Variants in WFS1 observed in about 807,000 individuals in gnomAD.
The protein encoded by WFS1 is wolframin.
A neutral mutation model predicts 68.5 loss-of-function variants in WFS1; 90 were observed. The ratio of observed to expected loss-of-function variants is 1.31; its 90% CI spans 1.11 to 1.56. The LOEUF (loss-of-function observed/expected upper bound fraction) is 1.56, where lower values mean the gene tolerates loss of function less well. Among genes scored for constraint, WFS1 ranks in the 40% most tolerant of loss-of-function variants. WFS1 has a pLI of 0.00. For synonymous variants in WFS1, 860 were observed against 540.7 expected, an observed-to-expected ratio of 1.59 and a Z score of -8.19; for missense variants, 1,767 against 1,232.6, an observed-to-expected ratio of 1.43 and a Z score of -6.49.
chr4:6,282,423 C>G (rs532992864), intron 2 of WFS1, among the ~76,000 whole-genome samples: 6 of 152,250 alleles, frequency 3.9e-5, no homozygotes, highest in South Asian at 2.1e-4. Context: ...GTGGGCGTCA[C>G]GAGAGGCGCA....
Position 6,302,169 on chromosome 4 carries a change from A to G in WFS1, c.2374A>G (p.Ser792Gly). Reference protein sequence around the residue: ...PFSSGADGSRSREEDDVTKDI... With the variant: ...PFSSGADGSRGREEDDVTKDI... ...CAGCAGCGGCGCTGACGGCTCGCGCAGCCGCGAGGAGGACGACGTCACCAA... is the reference window on the plus strand; with the variant it reads ...CAGCAGCGGCGCTGACGGCTCGCGCGGCCGCGAGGAGGACGACGTCACCAA... The change falls in exon 8 of 8, where the codon AGC becomes GGC. Residue 792 changes from serine to glycine, a missense_variant. Transcript: ENST00000226760. 6.2e-7 allele frequency: 1 copy of G among 1,612,712 alleles called. No homozygotes were observed. The highest frequency in any genetic ancestry group is 1.1e-5 in the South Asian group (1 of 91,078).
chr4:6,297,960 A>G (rs1398879675), intron 7 of WFS1, among the ~76,000 whole-genome samples: 2 of 152,200 alleles, frequency 1.3e-5, no homozygotes, highest in South Asian at 2.1e-4. Flanking sequence ...GCTAGACGCC[A>G]TCCAACGTAA....
At chr4:6,292,525 TG>T (rs1730495949) in intron 6 of WFS1, among the ~76,000 whole-genome samples, 2 of 152,012 alleles carry the variant, frequency 1.3e-5, no homozygotes, top group South Asian at 4.1e-4. Context: ...CACACTGAGC[TG>T]GGGGTGCCTC....
chr4:6,298,107 G>A (rs1233612581), intron 7 of WFS1, among the ~76,000 whole-genome samples: 2 of 152,238 alleles, frequency 1.3e-5, no homozygotes, highest in African/African-American at 2.4e-5. Context: ...CCTTGCTACC[G>A]TGGCGGTCGT....
rs1730954836 is a variant in WFS1, at chr4:6,302,068, A to T, written c.2273A>T (p.Lys758Met). ...STAEEELCRL[K>M]LLAKHPCHIK... ...GCCGAGGAGGAGCTCTGTCGCCTTA[A>T]GCTGCTGGCCAAGCACCCCTGCCAC... Residue 758 changes from lysine (K) to methionine (M), a missense_variant, in exon 8 of 8, where the codon AAG (lysine) becomes ATG (methionine). Transcript: ENST00000226760. The T allele has an allele frequency of 1.2e-6, 2 of 1,612,858 alleles. No individual in the cohort carries two copies. The highest frequency in any genetic ancestry group is 2.2e-5 in the South Asian group (2 of 91,086).
chr4:6,302,600 G>C lies in WFS1; in HGVS notation c.*132G>C, dbSNP rs961279619. The C allele has an allele frequency of 3.7e-6, 5 of 1,355,938 alleles. No individual in the cohort carries two copies. The highest frequency in any genetic ancestry group is 1.4e-5 in the African/African-American group (1 of 69,946). 84.0% of individuals were successfully genotyped at this position (1,355,938 alleles called of 1,614,324 possible). Reference sequence around the variant, plus strand: ...CAGACTGTGGCTGCAGAGACCTTGCGACCATGTGTAGATTGCGTGGACCCC... The same window carrying C: ...CAGACTGTGGCTGCAGAGACCTTGCCACCATGTGTAGATTGCGTGGACCCC... On this transcript the variant is annotated 3_prime_UTR_variant, in exon 8 of 8. Coordinates refer to ENST00000226760, the MANE Select transcript of WFS1 (RefSeq NM_006005.3).
Position 6,301,661 on chromosome 4 carries a change from G to T in WFS1, c.1866G>T (p.Gly622=), listed in dbSNP as rs372040086. The T allele has an allele frequency of 6.2e-7, 1 of 1,613,992 alleles. No individual in the cohort carries two copies. The part of the protein sequence containing the change: ...WWTKASFSVV[G]MVKSLTRSSM... ...CCAAGGCCAGCTTCTCTGTGGTGGGGATGGTGAAGTCCCTGACGCGGAGCT... is the reference window on the plus strand; with the variant it reads ...CCAAGGCCAGCTTCTCTGTGGTGGGTATGGTGAAGTCCCTGACGCGGAGCT... Residue 622 remains glycine, a synonymous_variant, in exon 8 of 8, where the codon GGG becomes GGT. Transcript: ENST00000226760.
chr4:6,276,921 C>T (rs888368228), intron 1 of WFS1, among the ~76,000 whole-genome samples: 1 of 152,244 alleles, frequency 6.6e-6, no homozygotes, highest in Admixed American at 6.5e-5. Context: ...CTCTGTTACA[C>T]TTCTCTTCCT....
chr4:6,297,957 G>A (rs565766265), intron 7 of WFS1, among the ~76,000 whole-genome samples: 1 of 152,278 alleles, frequency 6.6e-6, no homozygotes, highest in African/African-American at 2.4e-5. Flanking sequence ...GAGGCTAGAC[G>A]CCATCCAACG....
chr4:6,302,018 C>T lies in WFS1; in HGVS notation c.2223C>T (p.Ala741=), dbSNP rs780296831. 7.4e-6 allele frequency: 12 copies of T among 1,612,810 alleles called. No homozygotes were observed. Among genetic ancestry groups the T allele is most frequent in the South Asian group, 1.1e-5 (1 of 91,076 alleles). The change falls in exon 8 of 8, where the codon GCC becomes GCT. Residue 741 remains alanine (A), a synonymous_variant. Transcript: ENST00000226760. ...MRCLYGEAYP[A]CSPGNTSTAE... Reference sequence around the variant, plus strand: ...GCCTCTACGGCGAGGCCTACCCTGCCTGCAGCCCTGGCAACACCTCCACGG... The same window carrying T: ...GCCTCTACGGCGAGGCCTACCCTGCTTGCAGCCCTGGCAACACCTCCACGG...
At chr4:6,285,830 G>T (rs1284676260) in intron 2 of WFS1, among the ~76,000 whole-genome samples, 1 of 152,248 alleles carries the variant, frequency 6.6e-6, no homozygotes, top group Non-Finnish European at 1.5e-5. Flanking sequence ...GGTGTTACTG[G>T]GAACCATGCA....
chr4:6,284,185 C>T (rs1730244405), intron 2 of WFS1, among the ~76,000 whole-genome samples: 1 of 152,038 alleles, frequency 6.6e-6, no homozygotes, highest in Non-Finnish European at 1.5e-5. Flanking sequence ...GCCTGGCCAA[C>T]ATGGTGAAAC....
chr4:6,292,191 G>A (rs995491831), intron 6 of WFS1, among the ~76,000 whole-genome samples, 194 bp downstream of exon 6: 2 of 152,228 alleles, frequency 1.3e-5, no homozygotes, highest in African/African-American at 2.4e-5. Context: ...TCCGTTTGGG[G>A]CTCAGTGTTC....
In WFS1 at chr4:6,302,844, G is replaced by A; in HGVS notation, c.*376G>A. 3.0e-6 allele frequency: 1 copy of A among 329,710 alleles called. No homozygotes were observed. The allele number at this position is 329,710 out of a possible 1,614,324, so 20.4% of individuals were successfully genotyped here. On this transcript the variant is annotated 3_prime_UTR_variant, in exon 8 of 8. Transcript: ENST00000226760. ...TTCCCTCTTTCTTTCTTTTGTGTTGGATTTGTTTAAAAACCAAATAAGCAT... is the reference window on the plus strand; with the variant it reads ...TTCCCTCTTTCTTTCTTTTGTGTTGAATTTGTTTAAAAACCAAATAAGCAT...
rs1730952727 is a variant in WFS1 at position 6,302,040 on chromosome 4, A to G, written c.2245A>G (p.Thr749Ala). Residue 749 changes from threonine to alanine, a missense_variant, in exon 8 of 8, where the codon ACG (threonine) becomes GCG (alanine). Transcript: ENST00000226760. ...YPACSPGNTSTAEEELCRLKL... is the reference protein window; with the variant it reads ...YPACSPGNTSAAEEELCRLKL... Reference sequence around the variant, plus strand: ...TGCCTGCAGCCCTGGCAACACCTCCACGGCCGAGGAGGAGCTCTGTCGCCT... The same window carrying G: ...TGCCTGCAGCCCTGGCAACACCTCCGCGGCCGAGGAGGAGCTCTGTCGCCT... The G allele has an allele frequency of 1.2e-6, 2 of 1,612,664 alleles. No homozygotes were observed. Among genetic ancestry groups the G allele is most frequent in the Non-Finnish European group, 1.7e-6 (2 of 1,179,950 alleles).
In WFS1 at chr4:6,301,682, GAGC is replaced by G; in HGVS notation, c.1888_1890del (p.Ser631del). On this transcript the variant is annotated inframe_deletion, in exon 8 of 8. Transcript: ENST00000226760. ...TGGGGATGGTGAAGTCCCTGACGCG[GAGC>G]TCCATGGTCAAGCTCATCCTGGTGT... The G allele has an allele frequency of 6.2e-7, 1 of 1,614,100 alleles. No homozygotes were observed. The highest frequency in any genetic ancestry group is 8.5e-7 in the Non-Finnish European group (1 of 1,180,038).
chr4:6,290,097 C>T (rs535554695), intron 4 of WFS1, among the ~76,000 whole-genome samples: 1 of 152,298 alleles, frequency 6.6e-6, no homozygotes, highest in Non-Finnish European at 1.5e-5. Flanking sequence ...CATTACCACA[C>T]CTAGCTAATT....
At chr4:6,295,009 G>A in intron 6 of WFS1, 32 bp from the exon 7 acceptor site, 1 of 1,612,912 alleles carries the variant, frequency 6.2e-7, no homozygotes, top group Non-Finnish European at 8.5e-7. Flanking sequence ...CTGCAGTGTG[G>A]GGCGCCCATG....
chr4:6,278,811 G>T (rs1040938579), intron 2 of WFS1, among the ~76,000 whole-genome samples: 1 of 152,250 alleles, frequency 6.6e-6, no homozygotes, highest in African/African-American at 2.4e-5. Flanking sequence ...TGTTTTGGAG[G>T]CCTCTGGGCG....
Sources: gnomAD v4.1 joint callset for allele counts (sites outside exome capture counted in the v4.1 genomes callset) on GRCh38, gnomAD v4.1.1 for gene constraint, MANE v1.5 for transcripts, NCBI Gene and HGNC (gene_info 2026-07-23, HGNC 2026-07-21) for gene names.